Variants in EFL1 observed in about 807,000 individuals in gnomAD.
The protein encoded by EFL1 is elongation factor like GTPase 1, also known as elongation factor-like GTPase 1.
In EFL1, 76 loss-of-function variants were observed where a neutral mutation model predicts 126.7. The observed-to-expected ratio is 0.60, with a 90% CI of 0.50 to 0.73. EFL1 has a LOEUF of 0.73. Ranked by LOEUF, EFL1 falls within the 30% of genes least tolerant of loss-of-function variation. EFL1 has a pLI of 0.00. For synonymous variants in EFL1, 410 were observed against 448.4 expected, an observed-to-expected ratio of 0.91 and a Z score of 1.08; for missense variants, 1,128 against 1,343.2, an observed-to-expected ratio of 0.84 and a Z score of 2.50.
intron 18 of EFL1, among the ~76,000 whole-genome samples, chr15:82,141,629 G>A (rs1333911779): frequency 6.7e-6 from 1 of 149,780 alleles, no homozygotes; most frequent in Non-Finnish European, 1.5e-5. Context: ...AGCTGAGATC[G>A]TGCCACTGCA....
intron 18 of EFL1, among the ~76,000 whole-genome samples, chr15:82,145,093 C>T (rs972032406): frequency 1.3e-5 from 2 of 151,186 alleles, no homozygotes; most frequent in African/African-American, 4.9e-5. Flanking sequence ...AACTTGAGGT[C>T]GGGAGTTTGA....
At chr15:82,170,872 C>A (rs939509834) in intron 15 of EFL1, among the ~76,000 whole-genome samples, 5 of 152,130 alleles carry the variant, frequency 3.3e-5, no homozygotes, top group African/African-American at 1.2e-4. Context: ...AGTGATACTC[C>A]TTTAACATGT....
chr15:82,147,485 A>C (rs73451393), intron 18 of EFL1, among the ~76,000 whole-genome samples: 23,894 of 151,028 alleles, frequency 0.16, 3,280 homozygotes, highest in African/African-American at 0.37. Flanking sequence ...ACAACAACAA[A>C]AAAAAAATTA....
chr15:82,256,891 C>A (rs1173333401), intron 3 of EFL1, among the ~76,000 whole-genome samples: 1 of 152,114 alleles, frequency 6.6e-6, no homozygotes, highest in African/African-American at 2.4e-5. Context: ...ATTTTTGCAT[C>A]CATAATCATA....
intron 2 of EFL1, among the ~76,000 whole-genome samples, chr15:82,260,152 G>C (rs1021882505): frequency 1.3e-5 from 2 of 152,138 alleles, no homozygotes; most frequent in East Asian, 1.9e-4. Context: ...TTTTAGGATA[G>C]TAGCAGCTTA....
At chr15:82,261,954 G>A in intron 1 of EFL1, 157 bp from the exon 2 acceptor site, 1 of 570,728 alleles carries the variant, frequency 1.8e-6, no homozygotes, top group Admixed American at 3.2e-5. Context: ...CAAGGCCTAA[G>A]TCCAGTTCGA....
intron 15 of EFL1, among the ~76,000 whole-genome samples, chr15:82,208,789 T>C (rs1241080033): frequency 2.0e-5 from 3 of 151,658 alleles, no homozygotes; most frequent in African/African-American, 4.8e-5. Flanking sequence ...TTCCCGATTA[T>C]TAAAAAAAAA....
At chr15:82,232,772 AT>A (rs1443047798) in intron 7 of EFL1, among the ~76,000 whole-genome samples, 1 of 152,046 alleles carries the variant, frequency 6.6e-6, no homozygotes, top group Non-Finnish European at 1.5e-5. Flanking sequence ...TTATGGATTT[AT>A]TTTTTTAATA....
chr15:82,216,756 G>A (rs1327317475), intron 14 of EFL1, among the ~76,000 whole-genome samples: 2 of 152,092 alleles, frequency 1.3e-5, no homozygotes, highest in African/African-American at 4.8e-5. Flanking sequence ...AGAGTTTTGT[G>A]ACTTCAACAT....
At chr15:82,260,661 G>C (rs2141347158) in intron 2 of EFL1, among the ~76,000 whole-genome samples, 1 of 152,216 alleles carries the variant, frequency 6.6e-6, no homozygotes, top group South Asian at 2.1e-4. Flanking sequence ...TTTTCATCCT[G>C]TTTTACAGAT....
intron 2 of EFL1, among the ~76,000 whole-genome samples, chr15:82,259,780 G>C (rs2075097078): frequency 6.6e-6 from 1 of 152,188 alleles, no homozygotes; most frequent in Non-Finnish European, 1.5e-5. Context: ...GTTGGAGTAA[G>C]CAAAGGAGGG....
chr15:82,241,384 G>C lies in EFL1; in HGVS notation c.264C>G (p.Ile88Met), dbSNP rs754091163. Residue 88 changes from isoleucine to methionine, a missense_variant, in exon 5 of 20, where the codon ATC becomes ATG. Ile to Met is a conservative substitution (Grantham distance 10). Around this residue, in one of 6 missense-constraint regions of EFL1, gnomAD observed 118 missense variants for 188.1 expected, o/e 0.63. Transcript: ENST00000268206. The part of the protein sequence containing the change: ...HYATGNEEYL[I>M]NLIDSPGHVD... ...CGTGTCCTGGAGAGTCTATCAGATT[G>C]ATCAGGTACTCCTCATTACCTAAAA... is the stretch of plus-strand genomic sequence containing the variant. 1 of 1,613,988 alleles carries C rather than the reference G, an allele frequency of 6.2e-7. No homozygotes were observed. Among genetic ancestry groups the C allele is most frequent in the Admixed American group, 1.7e-5 (1 of 60,000 alleles).
At chr15:82,258,979 A>G in intron 3 of EFL1, 109 bp downstream of exon 3, 1 of 1,004,252 alleles carries the variant, frequency 1.0e-6, no homozygotes, top group Non-Finnish European at 1.5e-6. Context: ...TAGACGCAAG[A>G]ATTATGTTTT....
chr15:82,235,328 C>T (rs2074862072), intron 7 of EFL1, among the ~76,000 whole-genome samples: 1 of 152,086 alleles, frequency 6.6e-6, no homozygotes, highest in Non-Finnish European at 1.5e-5. Flanking sequence ...CTAACTTTTG[C>T]TACTGTTGGT....
At chr15:82,252,928 C>G (rs1454225767) in intron 3 of EFL1, among the ~76,000 whole-genome samples, 153 bp from the exon 4 acceptor site, 1 of 152,122 alleles carries the variant, frequency 6.6e-6, no homozygotes, top group Non-Finnish European at 1.5e-5. Context: ...GTTGCCCACA[C>G]TAGTCTTGAA....
At chr15:82,171,125 A>G (rs548943472) in intron 15 of EFL1, among the ~76,000 whole-genome samples, 3 of 152,252 alleles carry the variant, frequency 2.0e-5, no homozygotes, top group Non-Finnish European at 4.4e-5. Flanking sequence ...TGAAATGGCA[A>G]CTTCAGCACA....
At chr15:82,231,040 A>G in intron 7 of EFL1, 69 bp from the exon 8 acceptor site, 1 of 1,538,578 alleles carries the variant, frequency 6.5e-7, no homozygotes, top group South Asian at 1.3e-5. Flanking sequence ...GGTACTGTTC[A>G]AACTTCTTTA....
chr15:82,240,167 T>A (rs1052777703), intron 6 of EFL1, among the ~76,000 whole-genome samples: 1 of 152,192 alleles, frequency 6.6e-6, no homozygotes, highest in Non-Finnish European at 1.5e-5. Flanking sequence ...TGGCTTCACT[T>A]TGGAACCAAG....
At chr15:82,211,530 A>C (rs1479724060) in intron 15 of EFL1, among the ~76,000 whole-genome samples, 2 of 122,116 alleles carry the variant, frequency 1.6e-5, no homozygotes, top group Admixed American at 1.6e-4. Flanking sequence ...TGTCTCAAAG[A>C]AAAAAAAAAA....
Sources: allele counts gnomAD v4.1 joint callset (sites outside exome capture counted in the v4.1 genomes callset), GRCh38; gene constraint gnomAD v4.1.1; regional missense constraint gnomAD v4.1.1; transcripts MANE v1.5; gene names NCBI Gene and HGNC (gene_info 2026-07-23, HGNC 2026-07-21).